Variants in ZNF385D observed in about 807,000 individuals in gnomAD.
ZNF385D encodes zinc finger protein 385D, also known as zinc finger protein 659.
Under a neutral mutation model 35.8 loss-of-function variants are expected in ZNF385D, and 15 were observed. The observed-to-expected ratio is 0.42, with a 90% CI of 0.28 to 0.64. The LOEUF (loss-of-function observed/expected upper bound fraction) is 0.64. ZNF385D is among the 30% of genes least tolerant of loss of function. The probability of loss-of-function intolerance (pLI) is 0.23; values close to 1 mark genes in which losing one functional copy is unlikely to be tolerated. For synonymous variants in ZNF385D, 212 were observed against 186.8 expected (o/e 1.13, Z -1.10); for missense variants, 474 against 494.6 (o/e 0.96, Z 0.39).
In ZNF385D at chr3:21,416,089, G is replaced by A. The variant is rs1700559534; in HGVS notation, c.*5125C>T. 3.0e-4 allele frequency: 2 copies of A among 6,600 alleles called. 1 individual carries two copies. The highest frequency in any genetic ancestry group is 5.5e-4 in the Non-Finnish European group (2 of 3,612). The allele number at this position is 6,600 out of a possible 1,614,324, so 0.4% of individuals were successfully genotyped here. On this transcript the variant is annotated 3_prime_UTR_variant, in exon 8 of 8. Coordinates refer to ENST00000281523, the MANE Select transcript of ZNF385D (RefSeq NM_024697.3). ...CCCAGGTCGGACTGCGGACTGCAGT[G>A]GCGCAATCTCGGCTCACTGCAAGCT... is the stretch of plus-strand genomic sequence containing the variant.
chr3:22,179,956 C>T (rs994805591), intron 2 of ZNF385D, among the ~76,000 whole-genome samples: 30 of 152,022 alleles, frequency 2.0e-4, no homozygotes, highest in South Asian at 2.1e-4. Context: ...CTGAAGGAAA[C>T]AGAGACACAA....
chr3:21,670,833 G>C (rs149608257), intron 1 of ZNF385D, among the ~76,000 whole-genome samples: 1 of 151,518 alleles, frequency 6.6e-6, no homozygotes, highest in South Asian at 2.1e-4. Context: ...CCAGAAACTA[G>C]CCCTTTCAAC....
chr3:22,132,627 A>G (rs551932142), intron 3 of ZNF385D, among the ~76,000 whole-genome samples: 1 of 152,248 alleles, frequency 6.6e-6, no homozygotes, highest in East Asian at 1.9e-4. Context: ...TCTGAAAAAA[A>G]TTCCTCTAGA....
rs569894235 is a variant in ZNF385D at position 21,593,825 on chromosome 3, G to C, written c.166-29141C>G. 2.2e-5 allele frequency among the ~76,000 whole-genome samples: 3 copies of C among 133,742 alleles called. No homozygotes were observed. In the East Asian group the frequency reaches 6.0e-4, roughly 27 times the overall value. 87.7% of individuals were successfully genotyped at this position (133,742 alleles called of 152,430 possible). A position where few individuals can be genotyped will look rare whatever the true frequency, so the allele number is the denominator to read the frequency against. ...GCCCTAAGAAACTGTTGAAAAATAA[G>C]AAAAAAGAGGTTCTTGGGGAGGCAA... On this transcript the variant is annotated intron_variant, in intron 2 of 7. Transcript: ENST00000281523.
intron 1 of ZNF385D, among the ~76,000 whole-genome samples, chr3:21,720,236 C>A (rs1346813514): frequency 6.6e-6 from 1 of 152,286 alleles, no homozygotes; most frequent in African/African-American, 2.4e-5. Flanking sequence ...CCTAGACCAG[C>A]AGCATCGTCA....
At chr3:22,284,303 C>A (rs867067274) in intron 2 of ZNF385D, among the ~76,000 whole-genome samples, 1 of 152,088 alleles carries the variant, frequency 6.6e-6, no homozygotes, top group African/African-American at 2.4e-5. Context: ...ATTCCTCTGC[C>A]TCAGCCTCCC....
At chr3:21,865,006 T>TTTTTTTC (rs1559703241) in intron 3 of ZNF385D, among the ~76,000 whole-genome samples, 2 of 141,446 alleles carry the variant, frequency 1.4e-5, no homozygotes, top group Non-Finnish European at 3.1e-5. Flanking sequence ...TTTTTTTTCT[T>TTTTTTTC]CCACTTTGCA....
chr3:21,759,400 T>C (rs572818447), intron 3 of ZNF385D, among the ~76,000 whole-genome samples: 1 of 148,314 alleles, frequency 6.7e-6, no homozygotes, highest in African/African-American at 2.6e-5. Flanking sequence ...CAATGTAAGG[T>C]TGGAGAAGAA....
chr3:22,204,979 CAA>C (rs761954306), intron 2 of ZNF385D, among the ~76,000 whole-genome samples: 1,258 of 92,938 alleles, frequency 0.014, 18 homozygotes, highest in African/African-American at 0.048. Flanking sequence ...TGACCAAATC[CAA>C]AAAAAAAAAA....
At chr3:22,016,675 C>G (rs1046351430) in intron 3 of ZNF385D, among the ~76,000 whole-genome samples, 13 of 151,938 alleles carry the variant, frequency 8.6e-5, no homozygotes, top group African/African-American at 3.1e-4. Flanking sequence ...TCACAGTGGC[C>G]TGAGGAGAGT....
At chr3:22,221,465 G>A (rs1576518503) in intron 2 of ZNF385D, among the ~76,000 whole-genome samples, 1 of 152,188 alleles carries the variant, frequency 6.6e-6, no homozygotes, top group East Asian at 1.9e-4. Flanking sequence ...GCACATTAAA[G>A]TTTGACAAGC....
intron 3 of ZNF385D, among the ~76,000 whole-genome samples, chr3:21,842,348 G>A (rs1317120542): frequency 6.6e-6 from 1 of 151,868 alleles, no homozygotes; most frequent in African/African-American, 2.4e-5. Flanking sequence ...GGAAGGGAAG[G>A]AGAATGAATT....
At chr3:21,931,621 C>T (rs1430977938) in intron 3 of ZNF385D, among the ~76,000 whole-genome samples, 1 of 152,072 alleles carries the variant, frequency 6.6e-6, no homozygotes, top group Non-Finnish European at 1.5e-5. Context: ...GAAGCGTCCC[C>T]AACATACTAT....
intron 2 of ZNF385D, among the ~76,000 whole-genome samples, chr3:22,260,259 G>C (rs1166549341): frequency 6.6e-6 from 1 of 151,862 alleles, no homozygotes; most frequent in Non-Finnish European, 1.5e-5. Flanking sequence ...AACACCACAT[G>C]TTCTCACTCA....
At chr3:21,425,437 C>T in intron 6 of ZNF385D, 55 bp downstream of exon 6, 1 of 1,469,824 alleles carries the variant, frequency 6.8e-7, no homozygotes, top group Non-Finnish European at 9.1e-7. Context: ...CACACACATC[C>T]TGCTTATAAG....
At chr3:22,008,313 A>G (rs1452856209) in intron 3 of ZNF385D, among the ~76,000 whole-genome samples, 2 of 151,796 alleles carry the variant, frequency 1.3e-5, no homozygotes, top group Non-Finnish European at 2.9e-5. Flanking sequence ...AACAAAAGGC[A>G]AAGTTCAACA....
At chr3:22,099,169 A>G (rs57556225) in intron 3 of ZNF385D, among the ~76,000 whole-genome samples, 35,859 of 152,064 alleles carry the variant, frequency 0.24, 4,630 homozygotes, top group Non-Finnish European at 0.27. Context: ...GTTGACATGG[A>G]AAAATGCTCA....
At chr3:21,525,890 ATGT>A (rs1708196199) in intron 3 of ZNF385D, among the ~76,000 whole-genome samples, 1 of 152,058 alleles carries the variant, frequency 6.6e-6, no homozygotes, top group Non-Finnish European at 1.5e-5. Context: ...TGTCTAAGTG[ATGT>A]TGTTAATATC....
intron 3 of ZNF385D, among the ~76,000 whole-genome samples, chr3:22,165,887 C>T (rs906466872): frequency 1.3e-5 from 2 of 152,150 alleles, no homozygotes; most frequent in African/African-American, 4.8e-5. Flanking sequence ...CTTCAAGTAT[C>T]ATCACTTTCT....
Sources: gnomAD v4.1 joint callset for allele counts (sites outside exome capture counted in the v4.1 genomes callset) on GRCh38, gnomAD v4.1.1 for gene constraint, MANE v1.5 for transcripts, NCBI Gene and HGNC (gene_info 2026-07-23, HGNC 2026-07-21) for gene names.